The following EBF1 variants were observed in gnomAD, a reference collection of about 807,000 sequenced individuals.
EBF1 encodes transcription factor COE1.
EBF1 carries 10 observed loss-of-function variants against 68.4 expected under a neutral mutation model. The observed-to-expected ratio is 0.15, with a 90% CI of 0.09 to 0.25. The LOEUF is 0.25. EBF1 is among the 10% of genes least tolerant of loss of function. EBF1 has a pLI of 1.00. For synonymous variants in EBF1, 298 were observed against 299.8 expected (o/e 0.99, Z 0.06); for missense variants, 509 against 794.4 (o/e 0.64, Z 4.32).
chr5:158,970,601 C>T (rs1755446194), intron 6 of EBF1, among the ~76,000 whole-genome samples: 1 of 152,188 alleles, frequency 6.6e-6, no homozygotes, highest in African/African-American at 2.4e-5. Flanking sequence ...AGTTGACTCA[C>T]ATCAGATTTT....
intron 6 of EBF1, among the ~76,000 whole-genome samples, chr5:158,951,803 C>A (rs1470604131): frequency 6.6e-6 from 1 of 152,158 alleles, no homozygotes; most frequent in Non-Finnish European, 1.5e-5. Flanking sequence ...ACTTACAGGT[C>A]AGAGACAATG....
At chr5:158,700,269 A>G (rs1270568005) in intron 15 of EBF1, among the ~76,000 whole-genome samples, 3 of 152,274 alleles carry the variant, frequency 2.0e-5, no homozygotes, top group Non-Finnish European at 4.4e-5. Flanking sequence ...TAAAAGGATA[A>G]CTAAGAAAAT....
intron 8 of EBF1, among the ~76,000 whole-genome samples, chr5:158,815,320 T>C (rs192739392): frequency 2.6e-5 from 4 of 152,312 alleles, no homozygotes; most frequent in Admixed American, 2.6e-4. Flanking sequence ...TAAGGTCAAA[T>C]TCCAGGTCCA....
intron 9 of EBF1, among the ~76,000 whole-genome samples, chr5:158,783,034 AAG>A (rs1397058477): frequency 1.3e-5 from 2 of 152,160 alleles, no homozygotes; most frequent in African/African-American, 4.8e-5. Flanking sequence ...TGAAAAAAAA[AAG>A]GTTTAAAAAT....
intron 8 of EBF1, among the ~76,000 whole-genome samples, chr5:158,819,220 G>A (rs1163251084): frequency 6.6e-6 from 1 of 152,210 alleles, no homozygotes; most frequent in Non-Finnish European, 1.5e-5. Context: ...CCACTAGAGT[G>A]TATTCACAGG....
At chr5:158,932,394 A>G (rs905862056) in intron 6 of EBF1, among the ~76,000 whole-genome samples, 3 of 152,212 alleles carry the variant, frequency 2.0e-5, no homozygotes, top group African/African-American at 7.2e-5. Flanking sequence ...GGTATAACAC[A>G]TATGTCCTCA....
intron 4 of EBF1, among the ~76,000 whole-genome samples, chr5:159,089,747 A>G (rs904596407): frequency 2.0e-5 from 3 of 152,032 alleles, no homozygotes; most frequent in Admixed American, 6.6e-5. Flanking sequence ...ACAAAAGGAA[A>G]CTTATCATCA....
intron 6 of EBF1, among the ~76,000 whole-genome samples, chr5:159,043,371 C>T (rs1364651776): frequency 1.3e-5 from 2 of 152,208 alleles, no homozygotes; most frequent in African/African-American, 4.8e-5. Context: ...TATCATCCTC[C>T]TGCCCTTTCC....
chr5:158,927,444 C>T (rs1809931003), intron 6 of EBF1, among the ~76,000 whole-genome samples: 1 of 152,190 alleles, frequency 6.6e-6, no homozygotes, highest in African/African-American at 2.4e-5. Flanking sequence ...TTCCTCATAT[C>T]TATGAGCAGA....
chr5:158,944,094 T>C (rs528177659), intron 6 of EBF1, among the ~76,000 whole-genome samples: 1 of 152,330 alleles, frequency 6.6e-6, no homozygotes, highest in Admixed American at 6.5e-5. Flanking sequence ...TATTATACTT[T>C]AAGTTCTGGG....
chr5:158,833,112 T>C (rs1014575790), intron 7 of EBF1, among the ~76,000 whole-genome samples: 5 of 151,952 alleles, frequency 3.3e-5, no homozygotes, highest in African/African-American at 1.2e-4. Context: ...TCACCTACTT[T>C]AAGAGAGGTT....
intron 6 of EBF1, among the ~76,000 whole-genome samples, chr5:158,916,311 A>T (rs1185946124): frequency 6.6e-6 from 1 of 152,206 alleles, no homozygotes; most frequent in South Asian, 2.1e-4. Flanking sequence ...AGAATGCAGC[A>T]TTACAGAGGC....
At chr5:158,889,616 T>G (rs1223660190) in intron 6 of EBF1, among the ~76,000 whole-genome samples, 1 of 152,152 alleles carries the variant, frequency 6.6e-6, no homozygotes, top group Non-Finnish European at 1.5e-5. Context: ...ACTGGACAAC[T>G]AAAGGTTTCT....
intron 6 of EBF1, among the ~76,000 whole-genome samples, chr5:158,848,167 C>T (rs1582518098): frequency 6.6e-6 from 1 of 152,174 alleles, no homozygotes; most frequent in South Asian, 2.1e-4. Context: ...ATAATGCTAC[C>T]AAGAGGTAAG....
intron 6 of EBF1, among the ~76,000 whole-genome samples, chr5:158,956,034 G>A (rs1427323372): frequency 1.3e-4 from 3 of 23,610 alleles, no homozygotes; most frequent in African/African-American, 3.9e-4. Context: ...ATAAATGTGT[G>A]TGTGTGTGTG....
intron 6 of EBF1, among the ~76,000 whole-genome samples, chr5:158,884,913 G>A (rs1275814080): frequency 3.3e-5 from 5 of 152,212 alleles, no homozygotes; most frequent in Non-Finnish European, 7.3e-5. Flanking sequence ...CAGCTACTGA[G>A]AGGGAGATCC....
In EBF1 at chr5:159,096,991, AC is replaced by A; in HGVS notation, c.273del (p.Phe92SerfsTer29). The A allele has an allele frequency of 6.2e-7, 1 of 1,608,976 alleles. No homozygotes were observed. Reference sequence around the variant, plus strand: ...CCACTTACTTTTTCCTTCTCCACGAACCCCACAAACGCTGTCCTCTCGATCT... The same window carrying A: ...CCACTTACTTTTTCCTTCTCCACGAACCCACAAACGCTGTCCTCTCGATCT... Reference protein sequence around the residue: ...PVEIERTAFVGFVEKEKEANS... With the variant: ...PVEIERTAFVXFVEKEKEANS... On this transcript the variant is annotated frameshift_variant, in exon 2 of 16. Transcript: ENST00000313708. LOFTEE classifies it high-confidence loss of function.
At chr5:158,872,495 C>T (rs1004606038) in intron 6 of EBF1, among the ~76,000 whole-genome samples, 8 of 152,120 alleles carry the variant, frequency 5.3e-5, no homozygotes, top group African/African-American at 1.7e-4. Flanking sequence ...CCACTGCACC[C>T]GGCCCTGTTT....
chr5:158,844,493 G>C (rs1027522310), intron 6 of EBF1, among the ~76,000 whole-genome samples: 1 of 152,084 alleles, frequency 6.6e-6, no homozygotes, highest in Non-Finnish European at 1.5e-5. Context: ...TGTTTTCCAT[G>C]AACTCTAGGA....
Sources: allele counts gnomAD v4.1 joint callset (sites outside exome capture counted in the v4.1 genomes callset), GRCh38; gene constraint gnomAD v4.1.1; transcripts MANE v1.5; gene names NCBI Gene and HGNC (gene_info 2026-07-23, HGNC 2026-07-21).